Variants in PIEZO1 observed in about 807,000 individuals in gnomAD.
PIEZO1 encodes the protein piezo-type mechanosensitive ion channel component 1.
Under a neutral mutation model 297.2 loss-of-function variants are expected in PIEZO1, and 296 were observed. That is an observed-to-expected ratio of 1.00 (90% CI 0.91 to 1.10). PIEZO1 has a LOEUF of 1.10. Among genes scored for constraint, PIEZO1 ranks in the 50% least tolerant of loss-of-function variants. PIEZO1 has a pLI of 0.00. For synonymous variants in PIEZO1, 2,427 were observed against 1,507.5 expected (o/e 1.61, Z -14.13); for missense variants, 5,018 against 3,455.5 (o/e 1.45, Z -11.34).
At chr16:88,776,080 T>C (rs1372342217) in intron 1 of PIEZO1, among the ~76,000 whole-genome samples, 1 of 152,176 alleles carries the variant, frequency 6.6e-6, no homozygotes, top group Non-Finnish European at 1.5e-5. Flanking sequence ...CAGGGGCAGT[T>C]TCCTTTCAGG....
intron 7 of PIEZO1, 52 bp downstream of exon 7, chr16:88,738,174 AG>A (rs1339670545): frequency 6.5e-7 from 1 of 1,533,530 alleles, no homozygotes; most frequent in African/African-American, 1.4e-5. Flanking sequence ...TAGACGAGCC[AG>A]GTGGGCGGGA....
intron 5 of PIEZO1, chr16:88,741,235 G>C (rs2242165): frequency 1.3e-5 from 6 of 462,220 alleles, no homozygotes; most frequent in Middle Eastern, 5.7e-4. Flanking sequence ...TAAGGGCACA[G>C]ATGCCATGTC....
At chr16:88,749,300 G>A (rs1906257917) in intron 2 of PIEZO1, 84 bp downstream of exon 2, 1 of 876,974 alleles carries the variant, frequency 1.1e-6, no homozygotes, top group Non-Finnish European at 1.7e-6. Context: ...TGTTAAAGGT[G>A]AGGAAAGCTG....
Position 88,716,716 on chromosome 16 carries a change from T to A in PIEZO1, c.6769A>T (p.Ile2257Phe). 1 of 1,548,300 alleles carries A rather than the reference T, an allele frequency of 6.5e-7. No homozygotes were observed. The highest frequency in any genetic ancestry group is 8.7e-7 in the Non-Finnish European group (1 of 1,146,834). Residue 2257 changes from isoleucine (I) to phenylalanine (F), a missense_variant, in exon 47 of 51, where the codon ATC becomes TTC. Ile to Phe is a conservative substitution (Grantham distance 21, BLOSUM62 0). Transcript: ENST00000301015. ...FDPQPLAMQF[I>F]SQYSPEDIVT... ...ATGTCCTCAGGGCTGTACTGGCTGA[T>A]GAACTGCATGGCCAGCTGGGTACAA...
At chr16:88,721,068 C>CA in intron 39 of PIEZO1, 98 bp downstream of exon 39, 2 of 1,246,704 alleles carry the variant, frequency 1.6e-6, no homozygotes, top group East Asian at 5.1e-5. Flanking sequence ...GTGGGCCTCG[C>CA]ACTGGGCTTG....
At chr16:88,719,516 C>T (rs373098455) in intron 44 of PIEZO1, 58 bp downstream of exon 44, 14 of 1,496,148 alleles carry the variant, frequency 9.4e-6, no homozygotes, top group Middle Eastern at 1.7e-4. Flanking sequence ...GTGCCTCTGT[C>T]TTAGGGAGAG....
At chr16:88,755,200 C>G (rs1439980428) in intron 1 of PIEZO1, among the ~76,000 whole-genome samples, 1 of 152,218 alleles carries the variant, frequency 6.6e-6, no homozygotes, top group Non-Finnish European at 1.5e-5. Context: ...ATGCGGCGAA[C>G]AGCCGCCCCC....
intron 10 of PIEZO1, 55 bp downstream of exon 10, chr16:88,737,500 GCACC>G: frequency 8.0e-7 from 1 of 1,249,012 alleles, no homozygotes; most frequent in Non-Finnish European, 1.1e-6. Flanking sequence ...CCAGGGGGCA[GCACC>G]GGCCTCCGCC....
chr16:88,778,091 C>T (rs759957512), intron 1 of PIEZO1, among the ~76,000 whole-genome samples: 29 of 152,152 alleles, frequency 1.9e-4, no homozygotes, highest in Non-Finnish European at 3.5e-4. Flanking sequence ...TCTAGACACA[C>T]GGGAGGGAGG....
chr16:88,782,467 C>G (rs915863101), intron 1 of PIEZO1, among the ~76,000 whole-genome samples: 36 of 152,194 alleles, frequency 2.4e-4, no homozygotes, highest in Non-Finnish European at 1.2e-4. Context: ...GCTCCAGCAA[C>G]ATTAGGTGAG....
intron 39 of PIEZO1, among the ~76,000 whole-genome samples, 199 bp from the exon 40 acceptor site, chr16:88,720,947 G>C (rs543589380): frequency 6.6e-6 from 1 of 152,280 alleles, no homozygotes; most frequent in East Asian, 1.9e-4. Context: ...GCCAGCCCAG[G>C]CCAACAGTCA....
intron 2 of PIEZO1, chr16:88,744,435 G>A (rs1470095519): frequency 6.6e-6 from 1 of 152,068 alleles, no homozygotes; most frequent in Non-Finnish European, 1.5e-5. Context: ...CCCGGGCACT[G>A]AGAGGACATC....
intron 1 of PIEZO1, among the ~76,000 whole-genome samples, chr16:88,760,722 C>G (rs1344655260): frequency 6.6e-6 from 1 of 152,178 alleles, no homozygotes; most frequent in Non-Finnish European, 1.5e-5. Flanking sequence ...CGCAGCAGCA[C>G]CCAGGGGGCC....
rs765448817 is a variant in PIEZO1 at position 88,716,754 on chromosome 16, G to GTGAC, written c.6754-27_6754-24dup. On this transcript the variant is annotated intron_variant, in intron 46 of 50. Transcript: ENST00000301015. Reference sequence around the variant, plus strand: ...CAGCTGGGTACAAGTGACACCCTCAGTGACTGCAGCCGCCTCCCCACACCA... The same window carrying GTGAC: ...CAGCTGGGTACAAGTGACACCCTCAGTGACTGACTGCAGCCGCCTCCCCACACCA... 4 of 1,548,500 alleles carry GTGAC rather than the reference G, an allele frequency of 2.6e-6. No individual in the cohort carries two copies. The African/African-American group carries it at 5.5e-5, about 21-fold the overall frequency.
At chr16:88,757,704 C>T (rs527987313) in intron 1 of PIEZO1, among the ~76,000 whole-genome samples, 8 of 152,244 alleles carry the variant, frequency 5.3e-5, no homozygotes, top group East Asian at 3.9e-4. Flanking sequence ...AGCCAGGCTG[C>T]GGGCCGGAGC....
intron 1 of PIEZO1, among the ~76,000 whole-genome samples, chr16:88,766,428 C>T (rs1406260465): frequency 1.3e-5 from 2 of 152,208 alleles, no homozygotes. Flanking sequence ...AAATAAATAC[C>T]CATTTCACAG....
chr16:88,737,462 G>A (rs1905298658), intron 10 of PIEZO1, 97 bp downstream of exon 10: 11 of 800,592 alleles, frequency 1.4e-5, no homozygotes, highest in Middle Eastern at 3.7e-4. Context: ...GAGGTGCGGC[G>A]CGAGCATGCG....
In PIEZO1 at chr16:88,721,652, G is replaced by C. The variant is rs72811487; in HGVS notation, c.5289C>G (p.Tyr1763Ter). The change falls in exon 38 of 51, where the codon TAC becomes TAG. Residue 1763 changes from tyrosine (Y) to a stop codon, truncating the protein, a stop_gained. Transcript: ENST00000301015. LOFTEE classifies it high-confidence loss of function. The stretch of plus-strand genomic sequence containing the variant: ...GGGGCGGGAAGTAGGGCTTGTTCTC[G>C]TAGCGCCGCAGCACCACGTGGCTGT... ...PWNSHVVLRR[Y>*]ENKPYFPPRI... The C allele has an allele frequency of 6.1e-5, 94 of 1,550,090 alleles. No homozygotes were observed. The highest frequency in any genetic ancestry group is 7.3e-5 in the East Asian group (3 of 40,914).
At chr16:88,765,392 G>T (rs542452661) in intron 1 of PIEZO1, among the ~76,000 whole-genome samples, 4 of 152,338 alleles carry the variant, frequency 2.6e-5, no homozygotes, top group African/African-American at 7.2e-5. Flanking sequence ...AGGTGTCCAG[G>T]ATGGTCGTAC....
Sources: gnomAD v4.1 joint callset for allele counts (sites outside exome capture counted in the v4.1 genomes callset) on GRCh38, gnomAD v4.1.1 for gene constraint, MANE v1.5 for transcripts, NCBI Gene and HGNC (gene_info 2026-07-23, HGNC 2026-07-21) for gene names.